The following HEBP1 variants were observed in gnomAD, a reference collection of about 807,000 sequenced individuals.
HEBP1 encodes heme binding protein 1, also known as heme-binding protein 1.
Under a neutral mutation model 20.4 loss-of-function variants are expected in HEBP1, and 13 were observed. The observed-to-expected ratio is 0.64, with a 90% CI of 0.42 to 1.01. HEBP1 has a LOEUF of 1.01. Among genes scored for constraint, HEBP1 ranks in the 50% least tolerant of loss-of-function variants. The pLI, the probability that HEBP1 is intolerant of heterozygous loss-of-function variation, is 0.00. For missense variants in HEBP1, 241 were observed against 247.3 expected, an observed-to-expected ratio of 0.97 and a Z score of 0.17; for synonymous variants, 92 against 90.7, an observed-to-expected ratio of 1.01 and a Z score of -0.08.
Position 12,987,157 on chromosome 12 carries a change from A to G in HEBP1, c.393T>C (p.Tyr131=), listed in dbSNP as rs1295366613. Residue 131 remains tyrosine (Y), a synonymous_variant, in exon 3 of 4, where the codon TAT becomes TAC. Coordinates refer to ENST00000014930, the MANE Select transcript of HEBP1 (RefSeq NM_015987.5). The part of the protein sequence containing the change: ...KIEEREGITV[Y]SMQFGGYAKE... ...CTGAAGGATTGTCTCCTTACATGGAATAGACAGTGATGCCTTCCCGTTCCT... is the reference window on the plus strand; with the variant it reads ...CTGAAGGATTGTCTCCTTACATGGAGTAGACAGTGATGCCTTCCCGTTCCT... The G allele has an allele frequency of 7.4e-6, 12 of 1,613,624 alleles. No homozygotes were observed. The African/African-American group carries it at 1.6e-4, about 22-fold the overall frequency.
intron 2 of HEBP1, among the ~76,000 whole-genome samples, chr12:12,987,590 T>TCTCTCTCTCTCTC (rs1592403807): frequency 7.5e-6 from 1 of 133,210 alleles, no homozygotes; most frequent in African/African-American, 2.9e-5. Context: ...ATCAGTCTCT[T>TCTCTCTCTCTCTC]TCTCTCTCTC....
chr12:12,975,724 C>T lies in HEBP1; in HGVS notation c.399-245G>A, dbSNP rs549089436. ...TTTGAGTGTTAAAAGCAGTAATGGACGTGAAAAACTCTAATGCGGGGCCTG... is the reference window on the plus strand; with the variant it reads ...TTTGAGTGTTAAAAGCAGTAATGGATGTGAAAAACTCTAATGCGGGGCCTG... On this transcript the variant is annotated intron_variant, in intron 3 of 3. Transcript: ENST00000014930. 8.1e-5 allele frequency among the ~76,000 whole-genome samples: 12 copies of T among 148,640 alleles called. No individual in the cohort carries two copies. In the East Asian group the frequency reaches 1.0e-3, roughly 13 times the overall value.
chr12:13,000,118 G>T lies in HEBP1; in HGVS notation c.-4C>A, dbSNP rs772130571. The T allele has an allele frequency of 6.2e-7, 1 of 1,602,900 alleles. No homozygotes were observed. Among genetic ancestry groups the T allele is most frequent in the South Asian group, 1.1e-5 (1 of 89,432 alleles). ...AGTTCTTGATCATGCCCAACATGTT[G>T]TAGCCGAGACGCTCCCGACGCACGG... On this transcript the variant is annotated 5_prime_UTR_variant, in exon 1 of 4. Transcript: ENST00000014930.
chr12:12,985,793 T>G (rs1180941591), intron 3 of HEBP1: 1 of 152,118 alleles, frequency 6.6e-6, no homozygotes, highest in Non-Finnish European at 1.5e-5. Context: ...TTATCAGCAC[T>G]TAACAAATGC....
At chr12:12,997,170 G>A (rs1864300914) in intron 1 of HEBP1, among the ~76,000 whole-genome samples, 2 of 152,166 alleles carry the variant, frequency 1.3e-5, no homozygotes, top group Non-Finnish European at 2.9e-5. Context: ...TATCCCATAT[G>A]GCCCCATATT....
chr12:12,998,330 T>C lies in HEBP1; in HGVS notation c.78+1707A>G, dbSNP rs183122352. Among the ~76,000 whole-genome samples, 38 of 152,276 alleles carry C rather than the reference T, an allele frequency of 2.5e-4. No homozygotes were observed. The highest frequency in any genetic ancestry group is 9.1e-4 in the African/African-American group (38 of 41,554). On this transcript the variant is annotated intron_variant, in intron 1 of 3. Transcript: ENST00000014930. The surrounding 1 kb of genome is among the most constrained non-coding windows in gnomAD (Gnocchi z 4.2). ...CAGTTTTTGTCGAATTATTTTTAAA[T>C]TGGGTGATTTCGCTAAGAATCTGGA...
At chr12:12,993,645 C>T (rs1268920551) in intron 1 of HEBP1, among the ~76,000 whole-genome samples, 2 of 152,118 alleles carry the variant, frequency 1.3e-5, no homozygotes, top group Admixed American at 6.5e-5. Context: ...AGTCATTTTA[C>T]GCAGTTACTT....
chr12:12,987,351 A>G lies in HEBP1; in HGVS notation c.218-19T>C, dbSNP rs774008309. On this transcript the variant is annotated intron_variant, in intron 2 of 3. Transcript: ENST00000014930. ...CCAATTCCTGAAAACACAAAAGCAC[A>G]GAGTGAGGCAGGGATCAGAGACAGA... 22 of 1,604,130 alleles carry G rather than the reference A, an allele frequency of 1.4e-5. No individual in the cohort carries two copies. Among genetic ancestry groups the G allele is most frequent in the Non-Finnish European group, 1.5e-5 (18 of 1,173,384 alleles).
chr12:12,981,538 C>G (rs1006871436), intron 3 of HEBP1, among the ~76,000 whole-genome samples: 5 of 152,128 alleles, frequency 3.3e-5, no homozygotes, highest in Admixed American at 1.3e-4. Flanking sequence ...CATGAGGTGG[C>G]TTAAATATTA....
chr12:12,989,824 T>TA (rs1456292873), intron 1 of HEBP1, among the ~76,000 whole-genome samples: 5 of 151,908 alleles, frequency 3.3e-5, no homozygotes, highest in Admixed American at 2.0e-4. Flanking sequence ...AAACAAAAAA[T>TA]ACAACGATGA....
intron 2 of HEBP1, among the ~76,000 whole-genome samples, chr12:12,987,645 T>TCTCTCG (rs1864171269): frequency 6.6e-6 from 1 of 151,788 alleles, no homozygotes; most frequent in African/African-American, 2.4e-5. Flanking sequence ...TTTCTTTCTT[T>TCTCTCG]CTTCCGACAG....
intron 1 of HEBP1, among the ~76,000 whole-genome samples, chr12:12,994,095 G>T (rs528146348): frequency 3.6e-4 from 55 of 152,352 alleles, no homozygotes; most frequent in African/African-American, 1.3e-3. Flanking sequence ...GGATGGTGAG[G>T]AGTATTACAC....
chr12:12,991,007 A>G (rs1386091987), intron 1 of HEBP1, among the ~76,000 whole-genome samples: 1 of 152,124 alleles, frequency 6.6e-6, no homozygotes, highest in Non-Finnish European at 1.5e-5. Context: ...CCACTCCCCA[A>G]GCCACTACCT....
Position 12,993,275 on chromosome 12 carries a change from C to T in HEBP1, c.79-3860G>A, listed in dbSNP as rs370581807. On this transcript the variant is annotated intron_variant, in intron 1 of 3. Transcript: ENST00000014930. The stretch of plus-strand genomic sequence containing the variant: ...CTGTAACTTCAGCCTCCTGGGCTCA[C>T]GTGATCCTCCCACCTCATCCTCCTA... 1.5e-3 allele frequency among the ~76,000 whole-genome samples: 221 copies of T among 151,706 alleles called. 1 individual carries two copies. Among genetic ancestry groups the T allele is most frequent in the African/African-American group, 4.4e-3 (183 of 41,336 alleles).
At chr12:12,988,048 C>T (rs1000247209) in intron 2 of HEBP1, among the ~76,000 whole-genome samples, 6 of 152,148 alleles carry the variant, frequency 3.9e-5, no homozygotes, top group African/African-American at 1.4e-4. Context: ...AGGAATATGT[C>T]TGTGTAAATT....
chr12:12,975,434 G>A lies in HEBP1; in HGVS notation c.444C>T (p.Ala148=). ...CCTCCAGGGCAGCACGCAGACGGGT[G>A]GCTTGTGCTACGTAGTCTGCTTCCT... ...YAKEADYVAQ[A]TRLRAALEGT... is the part of the protein sequence containing the mutation. The change falls in exon 4 of 4, where the codon GCC becomes GCT. Residue 148 remains alanine, a synonymous_variant. Coordinates refer to ENST00000014930, the MANE Select transcript of HEBP1 (RefSeq NM_015987.5). 3.1e-6 allele frequency: 5 copies of A among 1,612,402 alleles called. No individual in the cohort carries two copies. The highest frequency in any genetic ancestry group is 4.2e-6 in the Non-Finnish European group (5 of 1,179,322).
At chr12:12,990,890 T>A (rs1347852834) in intron 1 of HEBP1, among the ~76,000 whole-genome samples, 2 of 152,154 alleles carry the variant, frequency 1.3e-5, no homozygotes, top group African/African-American at 4.8e-5. Context: ...AGACCAGTAA[T>A]CTGGCCCAAC....
intron 3 of HEBP1, among the ~76,000 whole-genome samples, chr12:12,982,758 C>G (rs1012405584): frequency 3.9e-5 from 6 of 152,158 alleles, no homozygotes; most frequent in Admixed American, 3.9e-4. Context: ...ATTATTGGAG[C>G]TGAGGTTCTA....
At chr12:12,976,902 G>A (rs1263339668) in intron 3 of HEBP1, among the ~76,000 whole-genome samples, 1 of 152,202 alleles carries the variant, frequency 6.6e-6, no homozygotes, top group African/African-American at 2.4e-5. Context: ...TAAGACACTG[G>A]AGTTTTTTAT....
Sources: gnomAD v4.1 joint callset for allele counts (sites outside exome capture counted in the v4.1 genomes callset) on GRCh38, gnomAD v4.1.1 for gene constraint, Gnocchi (gnomAD v3.1) non-coding constraint, MANE v1.5 for transcripts, NCBI Gene and HGNC (gene_info 2026-07-23, HGNC 2026-07-21) for gene names.